Variants in CDH23 observed in about 807,000 individuals in gnomAD.
CDH23 encodes cadherin-23.
In CDH23, 189 loss-of-function variants were observed where a neutral mutation model predicts 317.1. The ratio of observed to expected loss-of-function variants is 0.60; its 90% confidence interval spans 0.53 to 0.67. The LOEUF is 0.67. Among genes scored for constraint, CDH23 ranks in the 30% least tolerant of loss-of-function variants. The pLI, the probability that CDH23 is intolerant of heterozygous loss-of-function variation, is 0.00. For synonymous variants in CDH23, 1,839 were observed against 1,876.8 expected (o/e 0.98, Z 0.52); for missense variants, 4,401 against 4,592.4 (o/e 0.96, Z 1.20).
intron 3 of CDH23, among the ~76,000 whole-genome samples, chr10:71,458,989 G>A (rs1474448291): frequency 5.9e-5 from 9 of 151,326 alleles, no homozygotes; most frequent in South Asian, 2.1e-4. Context: ...GGGTTTCACC[G>A]TGTTAGCCAG....
At chr10:71,550,372 C>T (rs1856511277) in intron 6 of CDH23, among the ~76,000 whole-genome samples, 1 of 151,706 alleles carries the variant, frequency 6.6e-6, no homozygotes, top group Non-Finnish European at 1.5e-5. Flanking sequence ...GGCAACATAT[C>T]AAGAGCCCAT....
chr10:71,636,504 G>A (rs1302557523), intron 11 of CDH23, among the ~76,000 whole-genome samples: 2 of 152,170 alleles, frequency 1.3e-5, no homozygotes, highest in Non-Finnish European at 2.9e-5. Flanking sequence ...GTGAGACTCT[G>A]TCTCAGAGAA....
Position 71,741,775 on chromosome 10 carries a change from A to C in CDH23, c.4699A>C (p.Ile1567Leu). ...IGINSVLSYYITEGNKDMAFR... is the reference protein window; with the variant it reads ...IGINSVLSYYLTEGNKDMAFR... ...GATCAACAGTGTTCTGTCCTACTAC[A>C]TCACCGAGGGCAACAAGGACATGGC... is the stretch of plus-strand genomic sequence containing the variant. Residue 1567 changes from isoleucine to leucine, a missense_variant, in exon 38 of 70, where the codon ATC becomes CTC. This residue lies in a region of CDH23 where 3,068 missense variants were observed against 3,203.3 expected (regional missense o/e 0.96). Transcript: ENST00000224721. The C allele has an allele frequency of 6.2e-7, 1 of 1,612,798 alleles. No homozygotes were observed. The highest frequency in any genetic ancestry group is 8.5e-7 in the Non-Finnish European group (1 of 1,179,458).
chr10:71,600,024 CAG>C (rs1397796730), intron 9 of CDH23, among the ~76,000 whole-genome samples: 2 of 107,474 alleles, frequency 1.9e-5, no homozygotes, highest in Non-Finnish European at 3.4e-5. Context: ...TTTGGTGAGA[CAG>C]AGTTTCACTC....
At position 71,704,983 on chromosome 10, in the gene CDH23, A is replaced by G. The variant is rs777793877; in HGVS notation, c.2806A>G (p.Met936Val). The change falls in exon 25 of 70, where the codon ATG becomes GTG. Residue 936 changes from methionine (M) to valine (V), a missense_variant. This residue lies in a region of CDH23 where 3,068 missense variants were observed against 3,203.3 expected (regional missense o/e 0.96). Transcript: ENST00000224721. Reference sequence around the variant, plus strand: ...CCGCATGCCGGTGGGCATGCCCCGCATGGACTTCCTCATCAACAGCAGCAG... The same window carrying G: ...CCGCATGCCGGTGGGCATGCCCCGCGTGGACTTCCTCATCAACAGCAGCAG... ...SYRMPVGMPRMDFLINSSSGV... is the reference protein window; with the variant it reads ...SYRMPVGMPRVDFLINSSSGV... The G allele has an allele frequency of 6.2e-6, 10 of 1,612,622 alleles. No homozygotes were observed. Among genetic ancestry groups the G allele is most frequent in the Non-Finnish European group, 5.9e-6 (7 of 1,179,826 alleles).
Position 71,777,910 on chromosome 10 carries a change from C to A in CDH23, c.5067+9C>A. On this transcript the variant is annotated intron_variant, in intron 39 of 69. Coordinates refer to ENST00000224721, the MANE Select transcript of CDH23 (RefSeq NM_022124.6). ...GCATCGACAGACACATGGTCAGCAG[C>A]TGATGGCAGGATCAAGACAAGGGGC... is the stretch of plus-strand genomic sequence containing the variant. The A allele has an allele frequency of 6.2e-7, 1 of 1,613,680 alleles. No homozygotes were observed. The highest frequency in any genetic ancestry group is 1.6e-4 in the Middle Eastern group (1 of 6,062).
intron 16 of CDH23, among the ~76,000 whole-genome samples, chr10:71,679,115 C>T (rs747037043): frequency 6.6e-5 from 10 of 152,124 alleles, no homozygotes; most frequent in Non-Finnish European, 1.2e-4. Flanking sequence ...ATTATTCCTG[C>T]GCCTCCCACC....
chr10:71,778,127 C>T, intron 39 of CDH23, 62 bp from the exon 40 acceptor site: 1 of 1,600,484 alleles, frequency 6.2e-7, no homozygotes, highest in Non-Finnish European at 8.5e-7. Context: ...CCAAATTGGT[C>T]AGAGGGTGCT....
intron 1 of CDH23, among the ~76,000 whole-genome samples, chr10:71,403,449 C>T (rs1423331942): frequency 1.8e-5 from 1 of 56,116 alleles, no homozygotes; most frequent in Non-Finnish European, 3.0e-5. Context: ...TCCTTCCTTC[C>T]TTCCTTTCCT....
chr10:71,631,389 G>T (rs1381916535), intron 11 of CDH23, among the ~76,000 whole-genome samples: 1 of 152,196 alleles, frequency 6.6e-6, no homozygotes, highest in African/African-American at 2.4e-5. Context: ...GATGACTGAG[G>T]AGCCACCCCC....
intron 3 of CDH23, among the ~76,000 whole-genome samples, chr10:71,463,267 T>A (rs1851094867): frequency 6.6e-6 from 1 of 152,176 alleles, no homozygotes; most frequent in South Asian, 2.1e-4. Context: ...CTGTCCCTGC[T>A]CCAGCCTGGT....
intron 24 of CDH23, among the ~76,000 whole-genome samples, chr10:71,703,674 C>T (rs921472951): frequency 2.6e-5 from 4 of 152,146 alleles, no homozygotes. Flanking sequence ...CTTGGTGGTG[C>T]CCCACAGGCC....
intron 14 of CDH23, among the ~76,000 whole-genome samples, chr10:71,650,381 A>C (rs1217904143): frequency 2.0e-5 from 3 of 152,228 alleles, no homozygotes; most frequent in African/African-American, 4.8e-5. Flanking sequence ...AAGGGTGATC[A>C]CACAGAGGAA....
chr10:71,722,143 A>G (rs554630430), intron 28 of CDH23, among the ~76,000 whole-genome samples: 1 of 152,174 alleles, frequency 6.6e-6, no homozygotes, highest in Non-Finnish European at 1.5e-5. Context: ...AATCCATTCT[A>G]TATTATCTTA....
At position 71,732,010 on chromosome 10, in the gene CDH23, C is replaced by A. The variant is rs202204597; in HGVS notation, c.3739C>A (p.Arg1247Ser). Residue 1247 changes from arginine (R) to serine (S), a missense_variant, in exon 32 of 70, where the codon CGC (arginine) becomes AGC (serine). Physicochemically the swap from Arg to Ser is moderately radical, Grantham distance 110. Transcript: ENST00000224721. ...DSGDGGLVNY[R>S]ILSGAEGKFE... is the part of the protein sequence containing the mutation. The stretch of plus-strand genomic sequence containing the variant: ...AGGGGATGGTGGCCTGGTGAACTAC[C>A]GCATCCTGTCGGGCGCAGAGGGGAA... 4 of 1,613,690 alleles carry A rather than the reference C, an allele frequency of 2.5e-6. No homozygotes were observed. Among genetic ancestry groups the A allele is most frequent in the South Asian group, 2.2e-5 (2 of 91,066 alleles).
intron 3 of CDH23, among the ~76,000 whole-genome samples, chr10:71,492,793 T>C (rs1483245241): frequency 6.6e-6 from 1 of 152,192 alleles, no homozygotes; most frequent in African/African-American, 2.4e-5. Flanking sequence ...CGAAGGCCAG[T>C]AAGGACACAG....
chr10:71,702,517 T>C (rs1865629952), intron 23 of CDH23, 32 bp from the exon 24 acceptor site: 1 of 1,613,648 alleles, frequency 6.2e-7, no homozygotes, highest in Non-Finnish European at 8.5e-7. Context: ...TCTTACCCTG[T>C]CCTTGGCCCC....
intron 3 of CDH23, among the ~76,000 whole-genome samples, chr10:71,489,606 TGTG>T (rs1486847442): frequency 1.3e-5 from 2 of 151,182 alleles, no homozygotes; most frequent in African/African-American, 4.9e-5. Context: ...TGTGTGTGTG[TGTG>T]TGTGTGTGTG....
chr10:71,602,985 G>A (rs563207307), intron 9 of CDH23, among the ~76,000 whole-genome samples: 1 of 152,192 alleles, frequency 6.6e-6, no homozygotes, highest in East Asian at 1.9e-4. Flanking sequence ...GTCCTTCCCC[G>A]AAGATGACCA....
Sources: gnomAD v4.1 joint callset for allele counts (sites outside exome capture counted in the v4.1 genomes callset) on GRCh38, gnomAD v4.1.1 for gene constraint, gnomAD v4.1.1 regional missense constraint, MANE v1.5 for transcripts, NCBI Gene and HGNC (gene_info 2026-07-23, HGNC 2026-07-21) for gene names.